Variants in SCN7A observed in about 807,000 individuals in gnomAD.
The protein encoded by SCN7A is sodium channel protein type 7 subunit alpha.
Under a neutral mutation model 155.2 loss-of-function variants are expected in SCN7A, and 138 were observed. The ratio of observed to expected loss-of-function variants is 0.89; its 90% confidence interval spans 0.77 to 1.02. The LOEUF (loss-of-function observed/expected upper bound fraction) is 1.02, where lower values mean the gene tolerates loss of function less well. SCN7A is among the 50% of genes least tolerant of loss of function. SCN7A has a pLI of 0.00. For missense variants in SCN7A, 2,058 were observed against 1,986.6 expected, an observed-to-expected ratio of 1.04 and a Z score of -0.68; for synonymous variants, 693 against 649.0, an observed-to-expected ratio of 1.07 and a Z score of -1.03.
Position 166,474,361 on chromosome 2 carries a change from G to T in SCN7A, c.235-17C>A. Reference sequence around the variant, plus strand: ...TATGAAAGTCTGTAAGAAGAAAAGCGATCAAGTGAAATTAGAACTCAGAAC... The same window carrying T: ...TATGAAAGTCTGTAAGAAGAAAAGCTATCAAGTGAAATTAGAACTCAGAAC... On this transcript the variant is annotated splice_polypyrimidine_tract_variant and intron_variant, in intron 3 of 25. Coordinates refer to ENST00000643258, the MANE Select transcript of SCN7A (RefSeq NM_002976.4). 1.7e-6 allele frequency: 2 copies of T among 1,210,210 alleles called. No individual in the cohort carries two copies. Among genetic ancestry groups the T allele is most frequent in the South Asian group, 3.0e-5 (2 of 66,170 alleles). The allele number at this position is 1,210,210 out of a possible 1,614,324, so 75.0% of individuals were successfully genotyped here. A position where few individuals can be genotyped will look rare whatever the true frequency, so the allele number is the denominator to read the frequency against.
intron 15 of SCN7A, among the ~76,000 whole-genome samples, chr2:166,439,304 C>T (rs1701906654): frequency 6.6e-6 from 1 of 151,728 alleles, no homozygotes; most frequent in Admixed American, 6.6e-5. Context: ...CATTCCACAC[C>T]CTGGGCAATG....
intron 7 of SCN7A, among the ~76,000 whole-genome samples, chr2:166,466,279 C>T (rs1702532212): frequency 6.6e-6 from 1 of 152,016 alleles, no homozygotes; most frequent in South Asian, 2.1e-4. Context: ...TTGGTATCTA[C>T]TTGTCATACT....
In SCN7A at chr2:166,443,541, T is replaced by G; in HGVS notation, c.1762A>C (p.Asn588His). Residue 588 changes from asparagine to histidine, a missense_variant, in exon 14 of 26, where the codon AAT becomes CAT. Physicochemically the swap from Asn to His is moderately conservative, Grantham distance 68. Coordinates refer to ENST00000643258, the MANE Select transcript of SCN7A (RefSeq NM_002976.4). ...FHGLIELCLA[N>H]VAGMALLRLF... is the part of the protein sequence containing the mutation. ...CGAAGAAGAGCCATTCCTGCAACATTTGCTAGACAAAGTTCTATTAAACCA... is the reference window on the plus strand; with the variant it reads ...CGAAGAAGAGCCATTCCTGCAACATGTGCTAGACAAAGTTCTATTAAACCA... The G allele has an allele frequency of 6.3e-7, 1 of 1,595,910 alleles. No individual in the cohort carries two copies. Among genetic ancestry groups the G allele is most frequent in the South Asian group, 1.1e-5 (1 of 87,154 alleles).
intron 21 of SCN7A, chr2:166,414,654 G>A (rs1439910074): frequency 7.0e-6 from 1 of 142,976 alleles, no homozygotes; most frequent in Non-Finnish European, 1.5e-5. Context: ...GATTCATTGT[G>A]TGAGCTCACC....
At chr2:166,451,007 C>G (rs980221144) in intron 11 of SCN7A, among the ~76,000 whole-genome samples, 9 of 152,072 alleles carry the variant, frequency 5.9e-5, no homozygotes. Context: ...AAAGATGACA[C>G]TGTGTGACAT....
intron 6 of SCN7A, among the ~76,000 whole-genome samples, chr2:166,471,925 G>C (rs372178242): frequency 2.0e-5 from 3 of 151,824 alleles, no homozygotes; most frequent in East Asian, 1.9e-4. Flanking sequence ...TATCGTTCTT[G>C]CTCCAAATAG....
chr2:166,491,069 G>A (rs1349145614), intron 1 of SCN7A, among the ~76,000 whole-genome samples: 1 of 152,176 alleles, frequency 6.6e-6, no homozygotes, highest in Non-Finnish European at 1.5e-5. Context: ...CAGAGAGTGA[G>A]CAGCTGGTGG....
At chr2:166,463,653 A>C (rs1005321157) in intron 9 of SCN7A, among the ~76,000 whole-genome samples, 2 of 152,192 alleles carry the variant, frequency 1.3e-5, no homozygotes, top group African/African-American at 2.4e-5. Flanking sequence ...TGGAATGTAC[A>C]TAAAAGGAAT....
chr2:166,425,802 A>T (rs891850738), intron 18 of SCN7A, among the ~76,000 whole-genome samples: 2 of 152,096 alleles, frequency 1.3e-5, no homozygotes, highest in African/African-American at 4.8e-5. Flanking sequence ...CTTTAACTTG[A>T]TCAGATCTGT....
intron 14 of SCN7A, among the ~76,000 whole-genome samples, chr2:166,442,997 A>G (rs1426552510): frequency 6.6e-6 from 1 of 152,190 alleles, no homozygotes; most frequent in East Asian, 1.9e-4. Context: ...TCTAAAGCAT[A>G]TCATTTCAAT....
intron 10 of SCN7A, among the ~76,000 whole-genome samples, chr2:166,457,613 C>T (rs1445883240): frequency 6.6e-6 from 1 of 152,038 alleles, no homozygotes; most frequent in Non-Finnish European, 1.5e-5. Context: ...TGGTGAAGAA[C>T]CTTTAGACAA....
At chr2:166,450,064 CA>C (rs1230032420) in intron 11 of SCN7A, among the ~76,000 whole-genome samples, 2 of 152,150 alleles carry the variant, frequency 1.3e-5, no homozygotes, top group Non-Finnish European at 2.9e-5. Flanking sequence ...GGGATCAATC[CA>C]GATGCCCATT....
intron 3 of SCN7A, among the ~76,000 whole-genome samples, chr2:166,475,028 G>GTA (rs201708057): frequency 3.4e-4 from 49 of 142,132 alleles, no homozygotes; most frequent in South Asian, 6.6e-4. Flanking sequence ...GTGTGTGTGT[G>GTA]TATATATATA....
chr2:166,422,737 T>C (rs770628460), intron 19 of SCN7A, among the ~76,000 whole-genome samples: 74 of 152,170 alleles, frequency 4.9e-4, no homozygotes, highest in Non-Finnish European at 7.1e-4. Flanking sequence ...TAACATAAGG[T>C]TTCAAGAGAA....
intron 11 of SCN7A, among the ~76,000 whole-genome samples, chr2:166,452,363 T>C (rs1702192257): frequency 6.7e-6 from 1 of 149,140 alleles, no homozygotes; most frequent in Non-Finnish European, 1.5e-5. Flanking sequence ...CTGTATCTGG[T>C]ATTTTGTGTT....
chr2:166,409,933 G>C lies in SCN7A; in HGVS notation c.3714C>G (p.Asn1238Lys). 2 of 1,556,850 alleles carry C rather than the reference G, an allele frequency of 1.3e-6. No homozygotes were observed. Reference sequence around the variant, plus strand: ...CATCAAAGATGAATCCTTGGAGCTTGTTCTGTGGGTAAAATCAACAGGTGT... The same window carrying C: ...CATCAAAGATGAATCCTTGGAGCTTCTTCTGTGGGTAAAATCAACAGGTGT... ...DSQRPVPRPL[N>K]KLQGFIFDVV... Residue 1238 changes from asparagine (N) to lysine (K), a missense_variant and splice_region_variant, in exon 25 of 26, where the codon AAC becomes AAG. Coordinates refer to ENST00000643258, the MANE Select transcript of SCN7A (RefSeq NM_002976.4).
chr2:166,438,066 A>C (rs1409316678), intron 15 of SCN7A, among the ~76,000 whole-genome samples: 1 of 152,140 alleles, frequency 6.6e-6, no homozygotes, highest in Non-Finnish European at 1.5e-5. Context: ...CAGGGGTGGA[A>C]TGATATTGCT....
intron 8 of SCN7A, 29 bp from the exon 9 acceptor site, chr2:166,465,560 A>G (rs199558502): frequency 5.3e-6 from 8 of 1,503,046 alleles, no homozygotes; most frequent in African/African-American, 1.4e-5. Context: ...ATGATATTCT[A>G]TATGTAATTA....
chr2:166,448,809 A>C (rs1402327837), intron 11 of SCN7A, among the ~76,000 whole-genome samples: 2 of 152,250 alleles, frequency 1.3e-5, no homozygotes, highest in Middle Eastern at 3.2e-3. Flanking sequence ...AAGTAATAAC[A>C]GAGTATTTTT....
Sources: gnomAD v4.1 joint callset for allele counts (sites outside exome capture counted in the v4.1 genomes callset) on GRCh38, gnomAD v4.1.1 for gene constraint, MANE v1.5 for transcripts, NCBI Gene and HGNC (gene_info 2026-07-23, HGNC 2026-07-21) for gene names.